MBNL1: variants seen among roughly 807,000 people sequenced by gnomAD.
MBNL1 encodes the protein muscleblind-like protein 1.
A neutral mutation model predicts 42.2 loss-of-function variants in MBNL1; 8 were observed. The ratio of observed to expected loss-of-function variants is 0.19; its 90% CI spans 0.11 to 0.34. The LOEUF (loss-of-function observed/expected upper bound fraction) is 0.34, where lower values mean the gene tolerates loss of function less well. MBNL1 is among the 10% of genes least tolerant of loss of function. The pLI, the probability that MBNL1 is intolerant of heterozygous loss-of-function variation, is 1.00. For missense variants in MBNL1, 309 were observed against 495.3 expected, an observed-to-expected ratio of 0.62 and a Z score of 3.57; for synonymous variants, 169 against 173.9, an observed-to-expected ratio of 0.97 and a Z score of 0.22.
rs766232187 is a variant in MBNL1, at chr3:152,464,424, TTATAAA to T, written c.*2063_*2068del. 3.9e-5 allele frequency: 6 copies of T among 152,572 alleles called. No homozygotes were observed. The highest frequency in any genetic ancestry group is 7.4e-5 in the Non-Finnish European group (5 of 67,978). 9.5% of individuals were successfully genotyped at this position (152,572 alleles called of 1,614,324 possible). A position where few individuals can be genotyped will look rare whatever the true frequency, so the allele number is the denominator to read the frequency against. ...AACAAAGATCTTTTATATGGATATCTTATAAATATATAATCATTGCTAAGTAAGAAG... is the reference window on the plus strand; with the variant it reads ...AACAAAGATCTTTTATATGGATATCTTATATAATCATTGCTAAGTAAGAAG... On this transcript the variant is annotated 3_prime_UTR_variant, in exon 10 of 10. Transcript: ENST00000324210.
chr3:152,364,803 G>A (rs181025430), intron 2 of MBNL1, among the ~76,000 whole-genome samples: 23 of 151,904 alleles, frequency 1.5e-4, no homozygotes, highest in Admixed American at 5.3e-4. Flanking sequence ...AGAATAGGGA[G>A]TAAATTTGTT....
intron 2 of MBNL1, among the ~76,000 whole-genome samples, chr3:152,313,167 C>T (rs1356448155): frequency 2.6e-5 from 4 of 152,108 alleles, no homozygotes; most frequent in Non-Finnish European, 4.4e-5. Context: ...GAATTACAGG[C>T]GTGCACCACC....
chr3:152,340,313 A>G, intron 2 of MBNL1: 1 of 561,996 alleles, frequency 1.8e-6, no homozygotes, highest in Non-Finnish European at 3.0e-6. Flanking sequence ...TTGTCTCAAA[A>G]AGAAAAAGGG....
At position 152,377,426 on chromosome 3, in the gene MBNL1, G is replaced by C. The variant is rs1315120394; in HGVS notation, c.175-37515G>C. On this transcript the variant is annotated intron_variant, in intron 2 of 9. Coordinates refer to ENST00000324210, the MANE Select transcript of MBNL1 (RefSeq NM_021038.5). The stretch of plus-strand genomic sequence containing the variant: ...AATTCAAGCCCCAACACCTCCACTC[G>C]TCAGCCATAGACCGTTAGTAAATTA... Among the ~76,000 whole-genome samples the C allele has an allele frequency of 3.9e-5, 6 of 152,090 alleles. No homozygotes were observed. In the East Asian group the frequency reaches 5.8e-4, roughly 15 times the overall value.
chr3:152,450,711 T>C (rs1721094360), intron 6 of MBNL1, among the ~76,000 whole-genome samples: 1 of 152,208 alleles, frequency 6.6e-6, no homozygotes, highest in Non-Finnish European at 1.5e-5. Flanking sequence ...TGTATATGCC[T>C]CATAGGGTTG....
intron 2 of MBNL1, among the ~76,000 whole-genome samples, chr3:152,409,151 A>G (rs969604272): frequency 1.3e-5 from 2 of 152,168 alleles, no homozygotes; most frequent in Non-Finnish European, 2.9e-5. Context: ...TGAAAACATA[A>G]CCCTGAAGTA....
intron 2 of MBNL1, among the ~76,000 whole-genome samples, chr3:152,310,670 G>C (rs2065844469): frequency 1.3e-5 from 2 of 152,056 alleles, no homozygotes; most frequent in Admixed American, 1.3e-4. Context: ...ATAATTGCTT[G>C]TTTAGATTTT....
At chr3:152,245,228 C>A (rs2032619568) in intron 2 of MBNL1, among the ~76,000 whole-genome samples, 1 of 152,014 alleles carries the variant, frequency 6.6e-6, no homozygotes, top group African/African-American at 2.4e-5. Context: ...TTGCACTAAT[C>A]CAGAATAATA....
chr3:152,339,767 A>C (rs1023942629), intron 2 of MBNL1: 2 of 152,168 alleles, frequency 1.3e-5, no homozygotes, highest in African/African-American at 4.8e-5. Flanking sequence ...AAAATGAAAA[A>C]TATTGATCTT....
intron 3 of MBNL1, among the ~76,000 whole-genome samples, chr3:152,418,487 A>G (rs1219810953): frequency 6.6e-6 from 1 of 151,942 alleles, no homozygotes; most frequent in Admixed American, 6.6e-5. Flanking sequence ...AACCTGGGCA[A>G]CATAGCAAGA....
At chr3:152,276,930 A>G (rs1404801081) in intron 1 of MBNL1, among the ~76,000 whole-genome samples, 1 of 152,134 alleles carries the variant, frequency 6.6e-6, no homozygotes, top group Non-Finnish European at 1.5e-5. Flanking sequence ...GAGGACATGT[A>G]TGCTGAGAGA....
At position 152,417,620 on chromosome 3, in the gene MBNL1, A is replaced by T. The variant is rs74496156; in HGVS notation, c.345+2509A>T. On this transcript the variant is annotated intron_variant, in intron 3 of 9. Coordinates refer to ENST00000324210, the MANE Select transcript of MBNL1 (RefSeq NM_021038.5). The stretch of plus-strand genomic sequence containing the variant: ...GCAAGGTCTAAGCAAACTTGGAAGC[A>T]TCTAGTATTATGCCTGGCATATAGC... Among the ~76,000 whole-genome samples the T allele has an allele frequency of 7.4e-3, 1,127 of 152,206 alleles. 22 individuals are homozygous for T. Among genetic ancestry groups the T allele is most frequent in the East Asian group, 0.071 (370 of 5,182 alleles).
Position 152,423,173 on chromosome 3 carries a change from T to A in MBNL1, c.345+8062T>A, listed in dbSNP as rs1330410214. The stretch of plus-strand genomic sequence containing the variant: ...CCAGCAGCTGGTTTTTTGAAAAGAT[T>A]CACAAAATAGATGGATCACTAGCCA... On this transcript the variant is annotated intron_variant, in intron 3 of 9. Transcript: ENST00000324210. Among the ~76,000 whole-genome samples, 5 of 152,012 alleles carry A rather than the reference T, an allele frequency of 3.3e-5. No individual in the cohort carries two copies. The South Asian group carries it at 1.0e-3, about 31-fold the overall frequency.
chr3:152,335,300 C>T, intron 2 of MBNL1: 1 of 1,263,216 alleles, frequency 7.9e-7, no homozygotes, highest in Non-Finnish European at 1.0e-6. Context: ...TCGCTCAAGG[C>T]CTGAGATGAC....
upstream of MBNL1, chr3:152,267,192 G>C (rs931352718): frequency 2.0e-5 from 3 of 152,802 alleles, no homozygotes; most frequent in African/African-American, 7.2e-5. Context: ...GGGATTACAG[G>C]TGTGAGCCAT....
At chr3:152,251,097 C>T (rs908653188) in intron 2 of MBNL1, among the ~76,000 whole-genome samples, 2 of 152,060 alleles carry the variant, frequency 1.3e-5, no homozygotes, top group Admixed American at 1.3e-4. Flanking sequence ...ATTATGGTTA[C>T]ATCCAATTAT....
chr3:152,292,969 A>C (rs11925270), intron 1 of MBNL1, among the ~76,000 whole-genome samples: 10,836 of 151,988 alleles, frequency 0.071, 511 homozygotes, highest in Middle Eastern at 0.17. Flanking sequence ...GGGTCCTACT[A>C]TGTTGTTCAG....
chr3:152,285,730 C>T (rs1401980189), intron 1 of MBNL1, among the ~76,000 whole-genome samples: 1 of 150,826 alleles, frequency 6.6e-6, no homozygotes, highest in African/African-American at 2.4e-5. Context: ...TCAAACAATC[C>T]TCCTGCCTCA....
chr3:152,431,429 C>A (rs916873401), intron 3 of MBNL1, among the ~76,000 whole-genome samples: 1 of 152,142 alleles, frequency 6.6e-6, no homozygotes, highest in East Asian at 1.9e-4. Context: ...TAACAAATTT[C>A]TTTTGTACTA....
Sources: gnomAD v4.1 joint callset for allele counts (sites outside exome capture counted in the v4.1 genomes callset) on GRCh38, gnomAD v4.1.1 for gene constraint, MANE v1.5 for transcripts, NCBI Gene and HGNC (gene_info 2026-07-23, HGNC 2026-07-21) for gene names.